Variants in PIGN observed in about 807,000 individuals in gnomAD.
PIGN encodes the protein GPI ethanolamine phosphate transferase 1.
In PIGN, 117 loss-of-function variants were observed where a neutral mutation model predicts 125.4. The observed-to-expected ratio is 0.93, with a 90% CI of 0.80 to 1.09. The LOEUF is 1.09. PIGN is among the 50% of genes least tolerant of loss of function. The pLI is 0.00. For synonymous variants in PIGN, 392 were observed against 377.8 expected (o/e 1.04, Z -0.44); for missense variants, 1,075 against 1,094.9 (o/e 0.98, Z 0.26).
At chr18:62,065,821 T>A (rs554793020) in intron 30 of PIGN, among the ~76,000 whole-genome samples, 2 of 152,314 alleles carry the variant, frequency 1.3e-5, no homozygotes, top group Admixed American at 1.3e-4. Flanking sequence ...AGACTAAGTA[T>A]GTTAGTAAGT....
chr18:62,095,971 TCATCTGTCAGTATAAGAGA>T, intron 22 of PIGN, 21 bp from the exon 23 acceptor site: 1 of 1,490,724 alleles, frequency 6.7e-7, no homozygotes, highest in Non-Finnish European at 9.4e-7. Context: ...ACAGAACAGG[TCATCTGTCAGTATAAGAGA>T]CACAAAAAAA....
At chr18:62,107,133 TA>T in intron 17 of PIGN, 48 bp from the exon 18 acceptor site, 1 of 1,156,616 alleles carries the variant, frequency 8.6e-7, no homozygotes, top group Non-Finnish European at 1.3e-6. Context: ...AGGTCATACA[TA>T]GTATAACAAT....
intron 1 of PIGN, among the ~76,000 whole-genome samples, chr18:62,170,041 C>T (rs563328743): frequency 6.6e-6 from 1 of 152,326 alleles, no homozygotes; most frequent in East Asian, 1.9e-4. Context: ...CAACACCTGG[C>T]ATTGTCAATC....
intron 11 of PIGN, 85 bp from the exon 12 acceptor site, chr18:62,140,564 A>C: frequency 1.5e-6 from 1 of 658,288 alleles, no homozygotes; most frequent in Non-Finnish European, 2.7e-6. Context: ...ATTTTGGAAA[A>C]TAACCATGAT....
chr18:62,132,773 TTTAC>T (rs1230284983), intron 14 of PIGN, among the ~76,000 whole-genome samples: 2 of 152,210 alleles, frequency 1.3e-5, no homozygotes, highest in Non-Finnish European at 2.9e-5. Flanking sequence ...ACCTCACACT[TTTAC>T]TTATTTTTAA....
chr18:62,080,858 T>C (rs890526454), intron 28 of PIGN, among the ~76,000 whole-genome samples: 1 of 152,202 alleles, frequency 6.6e-6, no homozygotes, highest in African/African-American at 2.4e-5. Context: ...TAAGCATTCT[T>C]AACAGATAAA....
At chr18:62,105,426 T>C in intron 20 of PIGN, 117 bp downstream of exon 20, 1 of 641,608 alleles carries the variant, frequency 1.6e-6, no homozygotes, top group Non-Finnish European at 2.8e-6. Flanking sequence ...GTATTTTAAA[T>C]TCCCGTTAGT....
chr18:62,160,626 GCCTCCCAGGTA>G (rs1465322814), intron 4 of PIGN, among the ~76,000 whole-genome samples: 1 of 151,658 alleles, frequency 6.6e-6, no homozygotes, highest in Non-Finnish European at 1.5e-5. Context: ...TCCTGCCTCA[GCCTCCCAGGTA>G]GCTAGGATTA....
chr18:62,066,434 C>G (rs17712631), intron 30 of PIGN, among the ~76,000 whole-genome samples: 25,751 of 152,176 alleles, frequency 0.17, 2,940 homozygotes, highest in Middle Eastern at 0.28. Flanking sequence ...CGAGGAAAAT[C>G]ACATGAAATA....
intron 6 of PIGN, among the ~76,000 whole-genome samples, chr18:62,155,349 C>T (rs569345659): frequency 1.3e-3 from 200 of 152,102 alleles, no homozygotes; most frequent in African/African-American, 4.4e-3. Context: ...GGTGGATCAC[C>T]GGAGGTCGGG....
chr18:62,135,619 CTTTTTT>C, intron 14 of PIGN: 3 of 67,170 alleles, frequency 4.5e-5, no homozygotes, highest in Non-Finnish European at 7.9e-5. Context: ...TTTTCTTTGT[CTTTTTT>C]TTTTTTTTTT....
chr18:62,122,052 A>C (rs1460191896), intron 14 of PIGN, among the ~76,000 whole-genome samples: 2 of 152,122 alleles, frequency 1.3e-5, no homozygotes, highest in Non-Finnish European at 2.9e-5. Context: ...TAGAGGGGAG[A>C]AGGCAATGAA....
At chr18:62,167,029 G>A (rs1187850304) in intron 1 of PIGN, among the ~76,000 whole-genome samples, 1 of 152,152 alleles carries the variant, frequency 6.6e-6, no homozygotes, top group East Asian at 1.9e-4. Flanking sequence ...TAACAAACCT[G>A]TGCATTCTGC....
intron 23 of PIGN, among the ~76,000 whole-genome samples, chr18:62,018,947 T>C (rs955494230): frequency 1.3e-5 from 2 of 152,184 alleles, no homozygotes; most frequent in African/African-American, 4.8e-5. Flanking sequence ...CTGGGCACAG[T>C]GGCTCACACC....
intron 30 of PIGN, among the ~76,000 whole-genome samples, chr18:62,057,527 G>C (rs987383514): frequency 2.0e-5 from 3 of 152,122 alleles, no homozygotes; most frequent in Admixed American, 2.0e-4. Context: ...TCTAGCTTAC[G>C]ATACCACGAA....
At chr18:62,059,170 T>TC (rs1157539713) in intron 30 of PIGN, 4 of 33,602 alleles carry the variant, frequency 1.2e-4, no homozygotes, top group Non-Finnish European at 1.6e-4. Context: ...AGACCCTGTC[T>TC]CAAAAAAAAA....
At chr18:62,096,054 G>A in intron 22 of PIGN, 104 bp from the exon 23 acceptor site, 1 of 599,062 alleles carries the variant, frequency 1.7e-6, no homozygotes, top group South Asian at 2.5e-5. Context: ...CAGCACTTTG[G>A]GAGGCCGAGG....
chr18:62,165,040 T>C (rs757177528), intron 1 of PIGN, among the ~76,000 whole-genome samples: 34 of 152,088 alleles, frequency 2.2e-4, no homozygotes, highest in Non-Finnish European at 4.4e-5. Flanking sequence ...TGGAGCCTAG[T>C]GAGAGGTGTT....
At chr18:62,057,226 C>CA (rs913835929) in intron 30 of PIGN, among the ~76,000 whole-genome samples, 1 of 152,150 alleles carries the variant, frequency 6.6e-6, no homozygotes, top group Non-Finnish European at 1.5e-5. Context: ...TAGCTCCCTC[C>CA]AGCACCATCC....
Sources: allele counts gnomAD v4.1 joint callset (sites outside exome capture counted in the v4.1 genomes callset), GRCh38; gene constraint gnomAD v4.1.1; transcripts MANE v1.5; gene names NCBI Gene and HGNC (gene_info 2026-07-23, HGNC 2026-07-21).